The following STK3 variants were observed in gnomAD, a reference collection of about 807,000 sequenced individuals.
The protein encoded by STK3 is serine/threonine kinase 3.
STK3 carries 41 observed loss-of-function variants against 58.0 expected under a neutral mutation model. That is an observed-to-expected ratio of 0.71 (90% CI 0.55 to 0.92). The LOEUF (loss-of-function observed/expected upper bound fraction) is 0.92, where lower values mean the gene tolerates loss of function less well. Ranked by LOEUF, STK3 falls within the 40% of genes least tolerant of loss-of-function variation. The pLI, the probability that STK3 is intolerant of heterozygous loss-of-function variation, is 0.00. For synonymous variants in STK3, 170 were observed against 191.0 expected, an observed-to-expected ratio of 0.89 and a Z score of 0.91; for missense variants, 479 against 602.7, an observed-to-expected ratio of 0.79 and a Z score of 2.15.
At chr8:98,591,084 CT>C (rs1815271504) in intron 7 of STK3, among the ~76,000 whole-genome samples, 1 of 152,138 alleles carries the variant, frequency 6.6e-6, no homozygotes, top group African/African-American at 2.4e-5. Context: ...CTTTACAATG[CT>C]GCAAAAGTGA....
chr8:98,345,711 C>A, the STK3 span, among the ~76,000 whole-genome samples: 1 of 152,044 alleles, frequency 6.6e-6, no homozygotes, highest in Admixed American at 6.5e-5. Flanking sequence ...AAACCATCCC[C>A]AGACTGACAC....
intron 3 of STK3, among the ~76,000 whole-genome samples, chr8:98,843,924 G>A (rs189567008): frequency 6.6e-6 from 1 of 152,350 alleles, no homozygotes; most frequent in South Asian, 2.1e-4. Context: ...GCTTTGGGAG[G>A]CCGAGTGGGA....
chr8:98,626,833 C>A (rs1318813026), intron 6 of STK3, among the ~76,000 whole-genome samples: 2 of 152,188 alleles, frequency 1.3e-5, no homozygotes, highest in African/African-American at 4.8e-5. Context: ...AATCACCAAC[C>A]AAACAGCTTC....
chr8:98,898,423 G>A (rs956212026), intron 1 of STK3, among the ~76,000 whole-genome samples: 4 of 152,112 alleles, frequency 2.6e-5, no homozygotes, highest in African/African-American at 9.7e-5. Context: ...AAAACAATAG[G>A]GTCAGTTTCA....
chr8:98,519,543 G>A (rs966888532), intron 10 of STK3, among the ~76,000 whole-genome samples: 8 of 152,088 alleles, frequency 5.3e-5, no homozygotes, highest in African/African-American at 1.9e-4. Context: ...CAGCAGCAGG[G>A]TTGGTACTTT....
intron 4 of STK3, among the ~76,000 whole-genome samples, chr8:98,708,340 C>G (rs1826123004): frequency 6.6e-6 from 1 of 152,130 alleles, no homozygotes; most frequent in South Asian, 2.1e-4. Context: ...ATGAAACCAA[C>G]AGCTTTACAT....
At chr8:98,517,966 C>T (rs994212861) in intron 10 of STK3, among the ~76,000 whole-genome samples, 2 of 152,040 alleles carry the variant, frequency 1.3e-5, no homozygotes, top group African/African-American at 4.8e-5. Flanking sequence ...TTAGCCACAA[C>T]ATATGCTTGG....
At chr8:98,841,284 G>GAT (rs1254445551) in intron 3 of STK3, among the ~76,000 whole-genome samples, 2 of 152,134 alleles carry the variant, frequency 1.3e-5, no homozygotes, top group Non-Finnish European at 2.9e-5. Context: ...GGGAGGGAGG[G>GAT]ATATGTTCAT....
intron 10 of STK3, among the ~76,000 whole-genome samples, chr8:98,458,972 G>T (rs186729316): frequency 2.3e-5 from 3 of 128,316 alleles, no homozygotes; most frequent in African/African-American, 9.2e-5. Flanking sequence ...GTAGTGGGGC[G>T]CTGCTATAAA....
intron 7 of STK3, among the ~76,000 whole-genome samples, chr8:98,590,343 A>G (rs992018689): frequency 6.6e-6 from 1 of 152,144 alleles, no homozygotes; most frequent in Non-Finnish European, 1.5e-5. Context: ...GAGTTACCGA[A>G]AGCTCGGCGT....
Position 98,736,001 on chromosome 8 carries a change from TA to T in STK3, c.351+13274del, listed in dbSNP as rs201540283. 2.0e-4 allele frequency among the ~76,000 whole-genome samples: 30 copies of T among 149,970 alleles called. 1 individual carries two copies. Among genetic ancestry groups the T allele is most frequent in the Admixed American group, 1.8e-3 (27 of 15,098 alleles). On this transcript the variant is annotated intron_variant, in intron 4 of 10. Transcript: ENST00000419617. Reference sequence around the variant, plus strand: ...TAGCAAACTGTCAAGCAATAAAACATAAAAAAAAGGCCAACAGAAACAACAA... The same window carrying T: ...TAGCAAACTGTCAAGCAATAAAACATAAAAAAAGGCCAACAGAAACAACAA...
intron 7 of STK3, among the ~76,000 whole-genome samples, chr8:98,586,033 C>A (rs935521062): frequency 6.6e-6 from 1 of 152,158 alleles, no homozygotes; most frequent in African/African-American, 2.4e-5. Flanking sequence ...ACAATCATGT[C>A]ATCAGCAGAC....
At chr8:98,741,941 T>C (rs1829249095) in intron 4 of STK3, among the ~76,000 whole-genome samples, 2 of 152,088 alleles carry the variant, frequency 1.3e-5, no homozygotes, top group Admixed American at 1.3e-4. Context: ...CATCAGAGAA[T>C]ACTACAAACA....
chr8:98,558,449 C>A (rs1811766606), intron 8 of STK3, among the ~76,000 whole-genome samples: 1 of 152,052 alleles, frequency 6.6e-6, no homozygotes, highest in Non-Finnish European at 1.5e-5. Context: ...CAACAAATGT[C>A]TTTCACATTC....
intron 7 of STK3, among the ~76,000 whole-genome samples, chr8:98,590,357 T>A (rs1815185483): frequency 6.6e-6 from 1 of 152,062 alleles, no homozygotes; most frequent in Non-Finnish European, 1.5e-5. Context: ...TCGGCGTCCG[T>A]GATGGGGTAG....
chr8:98,680,025 AATC>A (rs1268090355), intron 6 of STK3, among the ~76,000 whole-genome samples: 1 of 152,198 alleles, frequency 6.6e-6, no homozygotes, highest in Non-Finnish European at 1.5e-5. Context: ...AACTGTCTAA[AATC>A]ATATTGTTAC....
intron 4 of STK3, among the ~76,000 whole-genome samples, chr8:98,707,758 A>G (rs577616394): frequency 6.6e-6 from 1 of 152,270 alleles, no homozygotes; most frequent in East Asian, 1.9e-4. Flanking sequence ...CTAAAGGGGT[A>G]AATAATCGAG....
the STK3 span, among the ~76,000 whole-genome samples, chr8:98,358,764 C>G: frequency 5.3e-5 from 8 of 152,198 alleles, no homozygotes; most frequent in East Asian, 5.8e-4. Context: ...AAGCGCCAAG[C>G]CTTCAAACAA....
intron 10 of STK3, among the ~76,000 whole-genome samples, chr8:98,474,230 G>T (rs115654056): frequency 6.6e-4 from 101 of 152,222 alleles, no homozygotes; most frequent in African/African-American, 2.4e-3. Flanking sequence ...TGTTTCAATA[G>T]CTTCCTAACT....
Sources: allele counts gnomAD v4.1 joint callset (sites outside exome capture counted in the v4.1 genomes callset), GRCh38; gene constraint gnomAD v4.1.1; transcripts MANE v1.5; gene names NCBI Gene and HGNC (gene_info 2026-07-23, HGNC 2026-07-21).